The following POLA1 variants were observed in gnomAD, a reference collection of about 807,000 sequenced individuals.
POLA1 encodes DNA polymerase alpha catalytic subunit.
In POLA1, 15 loss-of-function variants were observed where a neutral mutation model predicts 124.0. The observed-to-expected ratio is 0.12, with a 90% CI of 0.08 to 0.19. POLA1 has a LOEUF of 0.19. Ranked by LOEUF, POLA1 falls within the 10% of genes least tolerant of loss-of-function variation. POLA1 has a pLI of 1.00. For missense variants in POLA1, 886 were observed against 1,103.4 expected (o/e 0.80, Z 2.79); for synonymous variants, 408 against 389.4 (o/e 1.05, Z -0.56).
chrX:24,809,160 C>A (rs1434372103), intron 26 of POLA1, among the ~76,000 whole-genome samples: 7 of 106,828 alleles, frequency 6.6e-5, no homozygotes, highest in Non-Finnish European at 1.3e-4. Flanking sequence ...ATTTTAAACG[C>A]CCCCCCCGAC....
At chrX:24,950,007 C>G (rs1259666352) in intron 36 of POLA1, among the ~76,000 whole-genome samples, 1 of 111,959 alleles carries the variant, frequency 8.9e-6, no homozygotes, top group Non-Finnish European at 1.9e-5. Flanking sequence ...GCTGGGATTA[C>G]AGGTGTGAGC....
At chrX:24,791,044 C>G (rs960706083) in intron 26 of POLA1, among the ~76,000 whole-genome samples, 1 of 108,907 alleles carries the variant, frequency 9.2e-6, no homozygotes, top group African/African-American at 3.3e-5. Context: ...AATATGCTTA[C>G]TGTCAATCGG....
At chrX:24,751,944 G>A (rs1379899242) in intron 26 of POLA1, among the ~76,000 whole-genome samples, 2 of 111,941 alleles carry the variant, frequency 1.8e-5, no homozygotes, top group African/African-American at 6.5e-5. Context: ...GTCCTTGTGG[G>A]ATAAATTAGA....
chrX:24,812,300 G>C (rs1227262515), intron 28 of POLA1, among the ~76,000 whole-genome samples: 1 of 112,333 alleles, frequency 8.9e-6, no homozygotes, highest in African/African-American at 3.2e-5. Context: ...CTAACTAACT[G>C]AATAGTTTGA....
intron 36 of POLA1, among the ~76,000 whole-genome samples, chrX:24,936,069 C>T (rs998755622): frequency 2.7e-5 from 3 of 112,294 alleles, no homozygotes; most frequent in South Asian, 3.7e-4. Flanking sequence ...CACACTGCCA[C>T]GGGGTCCTGT....
intron 36 of POLA1, among the ~76,000 whole-genome samples, chrX:24,948,667 T>C (rs1164185706): frequency 8.9e-6 from 1 of 112,501 alleles, no homozygotes; most frequent in African/African-American, 3.2e-5. Context: ...GAATAAAAAA[T>C]TGTGTATGCT....
At chrX:24,710,405 G>C (rs983410031) in intron 4 of POLA1, among the ~76,000 whole-genome samples, 1 of 111,566 alleles carries the variant, frequency 9.0e-6, no homozygotes, top group South Asian at 3.7e-4. Context: ...GTTTGGCTTT[G>C]ACTTAGCAGA....
At chrX:24,767,007 A>G (rs185790211) in intron 26 of POLA1, among the ~76,000 whole-genome samples, 51 of 111,712 alleles carry the variant, frequency 4.6e-4, no homozygotes, top group African/African-American at 1.7e-3. Context: ...TGTTTTCCTT[A>G]CCATCATAGA....
intron 36 of POLA1, among the ~76,000 whole-genome samples, chrX:24,936,570 C>T (rs921302845): frequency 1.8e-5 from 2 of 111,288 alleles, no homozygotes; most frequent in African/African-American, 6.5e-5. Flanking sequence ...CTCACTCTGT[C>T]GCCCAGGCTA....
At chrX:24,940,491 A>G (rs1459072725) in intron 36 of POLA1, among the ~76,000 whole-genome samples, 1 of 111,603 alleles carries the variant, frequency 9.0e-6, no homozygotes, top group Non-Finnish European at 1.9e-5. Flanking sequence ...TCCTTTAAGT[A>G]TCATGATGGA....
intron 34 of POLA1, among the ~76,000 whole-genome samples, chrX:24,850,562 T>G (rs2046544090): frequency 1.8e-5 from 2 of 111,655 alleles, no homozygotes; most frequent in African/African-American, 3.3e-5. Flanking sequence ...GAACCCGGTT[T>G]GGGGAGGCTC....
intron 36 of POLA1, among the ~76,000 whole-genome samples, chrX:24,952,019 G>A (rs1430776124): frequency 9.0e-6 from 1 of 111,631 alleles, no homozygotes; most frequent in Non-Finnish European, 1.9e-5. Flanking sequence ...CACGAGTTAG[G>A]GGGTATCATT....
chrX:24,957,470 A>T (rs1009065907), intron 36 of POLA1, among the ~76,000 whole-genome samples: 1 of 111,219 alleles, frequency 9.0e-6, no homozygotes, highest in South Asian at 3.9e-4. Context: ...TTCTAGGTGT[A>T]TGCCCTAGAG....
At chrX:24,927,773 T>G (rs1490884839) in intron 35 of POLA1, among the ~76,000 whole-genome samples, 23 of 112,184 alleles carry the variant, frequency 2.1e-4, no homozygotes, top group Non-Finnish European at 3.8e-5. Flanking sequence ...CTTGAAGTAT[T>G]TTCCATCCAA....
At chrX:24,698,839 G>T (rs867206736) in intron 1 of POLA1, among the ~76,000 whole-genome samples, 2 of 110,555 alleles carry the variant, frequency 1.8e-5, no homozygotes, top group Non-Finnish European at 1.9e-5. Flanking sequence ...TTTTAGTAGA[G>T]ATGGGGTTTC....
intron 26 of POLA1, among the ~76,000 whole-genome samples, chrX:24,793,252 G>A (rs1292421488): frequency 2.8e-5 from 2 of 71,584 alleles, no homozygotes; most frequent in East Asian, 9.9e-4. Context: ...ACTCCAGCCT[G>A]AATGAGAAGA....
At chrX:24,971,395 C>A (rs1311932255) in intron 36 of POLA1, among the ~76,000 whole-genome samples, 8 of 112,747 alleles carry the variant, frequency 7.1e-5, no homozygotes, top group Non-Finnish European at 1.5e-4. Flanking sequence ...ATCAAAACTG[C>A]AAGAAAGAAA....
intron 30 of POLA1, among the ~76,000 whole-genome samples, chrX:24,819,107 C>T (rs1171145189): frequency 8.9e-6 from 1 of 112,027 alleles, no homozygotes; most frequent in Non-Finnish European, 1.9e-5. Flanking sequence ...CTCTGTTGTA[C>T]TTTGAAAGAA....
At chrX:24,721,129 T>C (rs1185946194) in intron 10 of POLA1, among the ~76,000 whole-genome samples, 1 of 113,153 alleles carries the variant, frequency 8.8e-6, no homozygotes, top group African/African-American at 3.2e-5. Context: ...TCAACCAATA[T>C]TGGAAAATAT....
Sources: gnomAD v4.1 joint callset for allele counts (sites outside exome capture counted in the v4.1 genomes callset) on GRCh38, gnomAD v4.1.1 for gene constraint, MANE v1.5 for transcripts, NCBI Gene and HGNC (gene_info 2026-07-23, HGNC 2026-07-21) for gene names.